Variants in RGS10 observed in about 807,000 individuals in gnomAD.
RGS10 encodes the protein regulator of G protein signaling 10, also known as regulator of G-protein signalling 10.
In RGS10, 11 loss-of-function variants were observed where a neutral mutation model predicts 23.5. The observed-to-expected ratio is 0.47, with a 90% CI of 0.29 to 0.77. The LOEUF is 0.77. RGS10 is among the 30% of genes least tolerant of loss of function. The probability of loss-of-function intolerance (pLI) is 0.08; values close to 1 mark genes in which losing one functional copy is unlikely to be tolerated. For synonymous variants in RGS10, 77 were observed against 83.2 expected, an observed-to-expected ratio of 0.92 and a Z score of 0.41; for missense variants, 180 against 226.3, an observed-to-expected ratio of 0.80 and a Z score of 1.31.
At chr10:119,508,060 C>T (rs374342246) in intron 4 of RGS10, among the ~76,000 whole-genome samples, 4 of 152,094 alleles carry the variant, frequency 2.6e-5, no homozygotes, top group African/African-American at 4.8e-5. Flanking sequence ...TGCAATGGCA[C>T]GATCTCGGCT....
At chr10:119,502,410 C>T (rs540152991) in intron 4 of RGS10, among the ~76,000 whole-genome samples, 1 of 152,196 alleles carries the variant, frequency 6.6e-6, no homozygotes. Flanking sequence ...CAGTCCTGTA[C>T]CCACTCCCAC....
Position 119,524,861 on chromosome 10 carries a change from C to T in RGS10, c.255+1171G>A, listed in dbSNP as rs1000949099. 2.6e-5 allele frequency among the ~76,000 whole-genome samples: 4 copies of T among 152,142 alleles called. No homozygotes were observed. Among genetic ancestry groups the T allele is most frequent in the African/African-American group, 9.7e-5 (4 of 41,418 alleles). ...GAGAGGAAGGTGGTGGAGAAAAGGC[C>T]GCGCTGCGCCATCCAGGAGGATGGG... On this transcript the variant is annotated intron_variant, in intron 3 of 4. Coordinates refer to ENST00000369103, the MANE Select transcript of RGS10 (RefSeq NM_001005339.2). The surrounding 1 kb of genome is among the most constrained non-coding windows in gnomAD (Gnocchi z 5.2).
chr10:119,527,485 G>T lies in RGS10; in HGVS notation c.50-61C>A. The T allele has an allele frequency of 7.7e-7, 1 of 1,295,852 alleles. No homozygotes were observed. Among genetic ancestry groups the T allele is most frequent in the Non-Finnish European group, 1.1e-6 (1 of 892,668 alleles). The allele number at this position is 1,295,852 out of a possible 1,614,324, so 80.3% of individuals were successfully genotyped here. A position where few individuals can be genotyped will look rare whatever the true frequency, so the allele number is the denominator to read the frequency against. Reference sequence around the variant, plus strand: ...CAGACACTGTCATTTTAAGAAATCTGCATGCAATGGTCAGCACTGCCGTCA... The same window carrying T: ...CAGACACTGTCATTTTAAGAAATCTTCATGCAATGGTCAGCACTGCCGTCA... On this transcript the variant is annotated intron_variant, in intron 1 of 4. Coordinates refer to ENST00000369103, the MANE Select transcript of RGS10 (RefSeq NM_001005339.2). This position sits in a 1 kb window ranked among gnomAD's most constrained non-coding sequence, Gnocchi z 4.2.
intron 1 of RGS10, 151 bp downstream of exon 1, chr10:119,542,439 G>T (rs1043562907): frequency 2.4e-4 from 139 of 581,704 alleles, no homozygotes; most frequent in Non-Finnish European, 3.4e-4. Flanking sequence ...GCGAAGGTGC[G>T]GTACCCAGCG....
intron 1 of RGS10, among the ~76,000 whole-genome samples, chr10:119,533,122 C>A (rs916695018): frequency 1.2e-4 from 18 of 150,610 alleles, no homozygotes; most frequent in African/African-American, 4.4e-4. Context: ...CTTTAGGAGG[C>A]TGAGGCAGCC....
At chr10:119,537,697 C>T (rs1055780709) in intron 1 of RGS10, among the ~76,000 whole-genome samples, 6 of 152,166 alleles carry the variant, frequency 3.9e-5, no homozygotes, top group East Asian at 3.8e-4. Flanking sequence ...CCCAGGTGGC[C>T]GCCTGCCCAC....
intron 3 of RGS10, among the ~76,000 whole-genome samples, chr10:119,518,767 C>T (rs1207962812): frequency 7.9e-5 from 12 of 151,670 alleles, no homozygotes; most frequent in Admixed American, 5.9e-4. Context: ...TGCAGTGGCG[C>T]GATCTCGGCT....
Position 119,500,224 on chromosome 10 carries a change from G to T in RGS10, c.435C>A (p.Arg145=). ...FNLMKYDSYS[R]FLKSDLFLKH... is the part of the protein sequence containing the mutation. ...TTAAAAACAAGTCAGACTTTAAGAAGCGGCTGTAGCTGTCGTACTTCATGA... is the reference window on the plus strand; with the variant it reads ...TTAAAAACAAGTCAGACTTTAAGAATCGGCTGTAGCTGTCGTACTTCATGA... Residue 145 remains arginine, a synonymous_variant, in exon 5 of 5, where the codon CGC becomes CGA. Transcript: ENST00000369103. 1 of 1,613,786 alleles carries T rather than the reference G, an allele frequency of 6.2e-7. No homozygotes were observed. The highest frequency in any genetic ancestry group is 8.5e-7 in the Non-Finnish European group (1 of 1,179,972).
rs111696085 is a variant in RGS10 at position 119,522,718 on chromosome 10, C to CAA, written c.255+3312_255+3313dup. Among the ~76,000 whole-genome samples the CAA allele has an allele frequency of 1.4e-3, 157 of 114,008 alleles. 1 individual carries two copies. Among genetic ancestry groups the CAA allele is most frequent in the Middle Eastern group, 4.7e-3 (1 of 214 alleles). 74.8% of individuals were successfully genotyped at this position (114,008 alleles called of 152,430 possible). A position where few individuals can be genotyped will look rare whatever the true frequency, so the allele number is the denominator to read the frequency against. On this transcript the variant is annotated intron_variant, in intron 3 of 4. Coordinates refer to ENST00000369103, the MANE Select transcript of RGS10 (RefSeq NM_001005339.2). ...GGGCGAGAAGAGCGAAACTCCGTCTCAAAAAAAAAAAAAAAAACAAAGACA... is the reference window on the plus strand; with the variant it reads ...GGGCGAGAAGAGCGAAACTCCGTCTCAAAAAAAAAAAAAAAAAAACAAAGACA...
At chr10:119,508,849 C>T (rs1844045822) in intron 4 of RGS10, among the ~76,000 whole-genome samples, 2 of 152,192 alleles carry the variant, frequency 1.3e-5, no homozygotes, top group Admixed American at 1.3e-4. Context: ...ATCACAGCAG[C>T]ACTTTAGGAA....
intron 1 of RGS10, among the ~76,000 whole-genome samples, chr10:119,533,904 T>C (rs568118147): frequency 6.6e-6 from 1 of 152,308 alleles, no homozygotes; most frequent in South Asian, 2.1e-4. Flanking sequence ...GCAAAATACG[T>C]ATTTTTCAGC....
At chr10:119,515,382 C>A in intron 4 of RGS10, 127 bp downstream of exon 4, 1 of 1,149,142 alleles carries the variant, frequency 8.7e-7, no homozygotes, top group Non-Finnish European at 1.2e-6. Flanking sequence ...CCTCAGTGTA[C>A]CTCGGTCTGC....
chr10:119,515,363 A>G (rs1278264507), intron 4 of RGS10, 146 bp downstream of exon 4: 9 of 926,526 alleles, frequency 9.7e-6, no homozygotes, highest in Admixed American at 7.3e-5. Context: ...ACTCTCCCCA[A>G]CCATGGCCCC....
chr10:119,539,434 G>T (rs995164776), intron 1 of RGS10, among the ~76,000 whole-genome samples: 1 of 152,198 alleles, frequency 6.6e-6, no homozygotes, highest in African/African-American at 2.4e-5. Flanking sequence ...CAGCTGCAGG[G>T]GTAGGGAGTC....
chr10:119,503,480 G>A (rs929594898), intron 4 of RGS10, among the ~76,000 whole-genome samples: 2 of 152,174 alleles, frequency 1.3e-5, no homozygotes, highest in African/African-American at 4.8e-5. Context: ...TTTACCAGTG[G>A]CTGAAGAGAA....
intron 3 of RGS10, among the ~76,000 whole-genome samples, chr10:119,516,674 G>A (rs41310304): frequency 0.15 from 22,279 of 152,228 alleles, 1,836 homozygotes; most frequent in South Asian, 0.3. Flanking sequence ...AGCAGGAGCC[G>A]TGAGTAGGTA....
chr10:119,542,685 C>A lies in RGS10; in HGVS notation c.-47G>T. The stretch of plus-strand genomic sequence containing the variant: ...AAGAAGGAGCAGCCCGGCGGCGCGG[C>A]GGCTGAGCCGGAGGAAGGCGAGGAG... On this transcript the variant is annotated 5_prime_UTR_variant, in exon 1 of 5. Coordinates refer to ENST00000369103, the MANE Select transcript of RGS10 (RefSeq NM_001005339.2). The A allele has an allele frequency of 7.6e-7, 1 of 1,324,060 alleles. No homozygotes were observed. The highest frequency in any genetic ancestry group is 9.7e-7 in the Non-Finnish European group (1 of 1,035,786). 82.0% of individuals were successfully genotyped at this position (1,324,060 alleles called of 1,614,324 possible). A position where few individuals can be genotyped will look rare whatever the true frequency, so the allele number is the denominator to read the frequency against.
In RGS10 at chr10:119,535,252, T is replaced by G. The variant is rs1844375285; in HGVS notation, c.49+7338A>C. Among the ~76,000 whole-genome samples, 3 of 131,036 alleles carry G rather than the reference T, an allele frequency of 2.3e-5. No homozygotes were observed. In the Admixed American group the frequency reaches 2.4e-4, roughly 11 times the overall value. The allele number at this position is 131,036 out of a possible 152,430, so 86.0% of individuals were successfully genotyped here. A position where few individuals can be genotyped will look rare whatever the true frequency, so the allele number is the denominator to read the frequency against. ...CTTTGGGGAAAAAACAGAAAACTGT[T>G]AAGAGTCCAATCCATGCAGAAAAAA... On this transcript the variant is annotated intron_variant, in intron 1 of 4. Transcript: ENST00000369103.
At chr10:119,502,680 C>T (rs56772609) in intron 4 of RGS10, among the ~76,000 whole-genome samples, 6,622 of 152,158 alleles carry the variant, frequency 0.044, 293 homozygotes, top group East Asian at 0.2. Context: ...CCCGAGATCC[C>T]GAGATCCCAA....
Sources: allele counts gnomAD v4.1 joint callset (sites outside exome capture counted in the v4.1 genomes callset), GRCh38; gene constraint gnomAD v4.1.1; non-coding constraint Gnocchi (gnomAD v3.1); transcripts MANE v1.5; gene names NCBI Gene and HGNC (gene_info 2026-07-23, HGNC 2026-07-21).